Variants in GUCY1B1 observed in about 807,000 individuals in gnomAD.
GUCY1B1 encodes the protein guanylate cyclase soluble subunit beta-1.
GUCY1B1 carries 43 observed loss-of-function variants against 71.0 expected under a neutral mutation model. That is an observed-to-expected ratio of 0.61 (90% CI 0.47 to 0.78). The LOEUF is 0.78. Among genes scored for constraint, GUCY1B1 ranks in the 30% least tolerant of loss-of-function variants. The probability of loss-of-function intolerance (pLI) is 0.00; values close to 1 mark genes in which losing one functional copy is unlikely to be tolerated. For synonymous variants in GUCY1B1, 266 were observed against 259.7 expected (o/e 1.02, Z -0.23); for missense variants, 535 against 754.1 (o/e 0.71, Z 3.40).
chr4:155,762,637 G>A (rs1031583963), intron 2 of GUCY1B1, among the ~76,000 whole-genome samples: 2 of 152,070 alleles, frequency 1.3e-5, no homozygotes, highest in African/African-American at 4.8e-5. Context: ...CAAAAGCTTT[G>A]AATTCCTCTT....
chr4:155,806,001 G>A (rs1740286339), intron 13 of GUCY1B1, among the ~76,000 whole-genome samples: 1 of 152,086 alleles, frequency 6.6e-6, no homozygotes. Context: ...TTCCTCATGG[G>A]GGATAAGACT....
At position 155,786,695 on chromosome 4, in the gene GUCY1B1, G is replaced by T. The variant is rs1738818856; in HGVS notation, c.298-3019G>T. 2.6e-5 allele frequency among the ~76,000 whole-genome samples: 4 copies of T among 151,576 alleles called. No individual in the cohort carries two copies. In the South Asian group the frequency reaches 8.3e-4, roughly 32 times the overall value. On this transcript the variant is annotated intron_variant, in intron 4 of 13. Coordinates refer to ENST00000264424, the MANE Select transcript of GUCY1B1 (RefSeq NM_000857.5). ...TCACCGTGTTAGCCAGGATGGTCTT[G>T]ATCTCCTGACCTTGTGATCCGCCCG...
In GUCY1B1 at chr4:155,802,237, C is replaced by G. The variant is rs544717448; in HGVS notation, c.1176-105C>G. 1 of 1,546,422 alleles carries G rather than the reference C, an allele frequency of 6.5e-7. No homozygotes were observed. The highest frequency in any genetic ancestry group is 8.7e-7 in the Non-Finnish European group (1 of 1,147,864). ...GAGGATGTCCTGCTAGAATCCAGGC[C>G]TTTAAAGTACAAACGACACTGATGC... On this transcript the variant is annotated intron_variant, in intron 9 of 13. Coordinates refer to ENST00000264424, the MANE Select transcript of GUCY1B1 (RefSeq NM_000857.5). The surrounding 1 kb of genome is among the most constrained non-coding windows in gnomAD (Gnocchi z 4.3).
chr4:155,794,556 A>C (rs1222996717), intron 6 of GUCY1B1, among the ~76,000 whole-genome samples: 1 of 152,242 alleles, frequency 6.6e-6, no homozygotes, highest in Admixed American at 6.5e-5. Flanking sequence ...CAAAGGAAGC[A>C]GTTGGGATGA....
At position 155,806,442 on chromosome 4, in the gene GUCY1B1, C is replaced by A; in HGVS notation, c.*33C>A. 6.4e-7 allele frequency: 1 copy of A among 1,550,724 alleles called. No individual in the cohort carries two copies. Among genetic ancestry groups the A allele is most frequent in the Non-Finnish European group, 8.9e-7 (1 of 1,123,640 alleles). On this transcript the variant is annotated 3_prime_UTR_variant, in exon 14 of 14. Transcript: ENST00000264424. ...ATTATGGGGTGAAGAGGAGTACAGA[C>A]TAGGTTCCAGTTTTCTCCTAACACG...
intron 1 of GUCY1B1, 123 bp downstream of exon 1, chr4:155,759,266 G>A (rs1736778214): frequency 1.0e-6 from 1 of 971,090 alleles, no homozygotes; most frequent in Admixed American, 2.2e-5. Flanking sequence ...GCCGGCCACG[G>A]GAGCAGCCTC....
intron 2 of GUCY1B1, among the ~76,000 whole-genome samples, chr4:155,769,019 C>T (rs539174220): frequency 1.4e-4 from 22 of 152,302 alleles, no homozygotes; most frequent in Admixed American, 2.6e-4. Context: ...CTTCCCTTCT[C>T]TTCTTCCACT....
chr4:155,772,338 T>C (rs1006378664), intron 2 of GUCY1B1, among the ~76,000 whole-genome samples: 3 of 152,218 alleles, frequency 2.0e-5, no homozygotes, highest in African/African-American at 7.2e-5. Flanking sequence ...TTTGTACACT[T>C]TATCTCTTTA....
chr4:155,790,586 G>C (rs554340850), intron 5 of GUCY1B1, among the ~76,000 whole-genome samples: 9 of 152,250 alleles, frequency 5.9e-5, no homozygotes, highest in Admixed American at 2.6e-4. Context: ...TATGTGTTCA[G>C]CATGTTCATA....
At chr4:155,781,840 G>C (rs1237191062) in intron 4 of GUCY1B1, among the ~76,000 whole-genome samples, 3 of 151,874 alleles carry the variant, frequency 2.0e-5, no homozygotes, top group African/African-American at 7.2e-5. Context: ...TTTATTCTTT[G>C]GTTGATTTAA....
intron 8 of GUCY1B1, among the ~76,000 whole-genome samples, chr4:155,798,235 C>A (rs1181869053): frequency 6.6e-6 from 1 of 152,100 alleles, no homozygotes; most frequent in Non-Finnish European, 1.5e-5. Context: ...AGTAGTTTTA[C>A]TTGTAAAATA....
chr4:155,782,174 C>G (rs967880132), intron 4 of GUCY1B1, among the ~76,000 whole-genome samples: 7 of 152,124 alleles, frequency 4.6e-5, no homozygotes, highest in African/African-American at 1.7e-4. Flanking sequence ...CTCCCGGGTT[C>G]ACGCCATTCT....
At chr4:155,785,584 TC>T (rs1404957833) in intron 4 of GUCY1B1, among the ~76,000 whole-genome samples, 3 of 151,994 alleles carry the variant, frequency 2.0e-5, no homozygotes, top group Non-Finnish European at 2.9e-5. Flanking sequence ...ATTGTAAGAA[TC>T]TTTTTGTAGC....
At chr4:155,790,971 C>G (rs528493195) in intron 5 of GUCY1B1, among the ~76,000 whole-genome samples, 133 of 152,064 alleles carry the variant, frequency 8.7e-4, no homozygotes, top group African/African-American at 3.1e-3. Flanking sequence ...GTTGCACCAA[C>G]CTAATAGAAA....
At chr4:155,800,097 A>G (rs1479572870) in intron 9 of GUCY1B1, 23 bp downstream of exon 9, 2 of 1,513,936 alleles carry the variant, frequency 1.3e-6, no homozygotes, top group African/African-American at 1.4e-5. Context: ...CGCTTGGAGC[A>G]CTACTGTTAT....
At chr4:155,759,411 G>C in intron 1 of GUCY1B1, 1 of 542,562 alleles carries the variant, frequency 1.8e-6, no homozygotes, top group Non-Finnish European at 3.2e-6. Context: ...GAGGTGCGGC[G>C]GAGGCGTGGG....
At chr4:155,799,605 GT>G (rs1739804802) in intron 8 of GUCY1B1, among the ~76,000 whole-genome samples, 1 of 152,170 alleles carries the variant, frequency 6.6e-6, no homozygotes, top group African/African-American at 2.4e-5. Context: ...TCATAGAGAT[GT>G]TTTCTACATG....
Position 155,795,340 on chromosome 4 carries a change from G to A in GUCY1B1, c.727-1G>A. On this transcript the variant is annotated splice_acceptor_variant, in intron 6 of 13. Coordinates refer to ENST00000264424, the MANE Select transcript of GUCY1B1 (RefSeq NM_000857.5). LOFTEE classifies it high-confidence loss of function. ...CTCTTTGCTCTCTATCTATATTTTA[G>A]CTCCAGCCTGGGAATTGCAGCCTTC... 3 of 1,544,426 alleles carry A rather than the reference G, an allele frequency of 1.9e-6. No homozygotes were observed. Among genetic ancestry groups the A allele is most frequent in the Non-Finnish European group, 2.7e-6 (3 of 1,119,046 alleles).
intron 9 of GUCY1B1, among the ~76,000 whole-genome samples, chr4:155,801,246 C>G (rs1440201973): frequency 5.9e-5 from 9 of 152,062 alleles, no homozygotes; most frequent in South Asian, 2.1e-4. Flanking sequence ...TTTGGATTCC[C>G]CAAGGTGGGT....
Sources: allele counts gnomAD v4.1 joint callset (sites outside exome capture counted in the v4.1 genomes callset), GRCh38; gene constraint gnomAD v4.1.1; non-coding constraint Gnocchi (gnomAD v3.1); transcripts MANE v1.5; gene names NCBI Gene and HGNC (gene_info 2026-07-23, HGNC 2026-07-21).